The following MAGI1 variants were observed in gnomAD, a reference collection of about 807,000 sequenced individuals.
MAGI1 encodes membrane associated guanylate kinase, WW and PDZ domain containing 1.
A neutral mutation model predicts 139.9 loss-of-function variants in MAGI1; 58 were observed. The observed-to-expected ratio is 0.41, with a 90% CI of 0.34 to 0.52. The LOEUF is 0.52. Ranked by LOEUF, MAGI1 falls within the 20% of genes least tolerant of loss-of-function variation. The pLI is 0.12. For synonymous variants in MAGI1, 812 were observed against 737.9 expected, an observed-to-expected ratio of 1.10 and a Z score of -1.63; for missense variants, 1,874 against 1,901.6, an observed-to-expected ratio of 0.99 and a Z score of 0.27.
At chr3:65,401,821 AG>A in intron 12 of MAGI1, 3 of 1,295,336 alleles carry the variant, frequency 2.3e-6, no homozygotes, top group Non-Finnish European at 3.0e-6. Context: ...CTTACAATTA[AG>A]TCCAGGTTAT....
At chr3:65,482,741 T>C (rs1951368192) in intron 3 of MAGI1, among the ~76,000 whole-genome samples, 1 of 152,248 alleles carries the variant, frequency 6.6e-6, no homozygotes, top group African/African-American at 2.4e-5. Flanking sequence ...GTTCAAACTT[T>C]CATACGCCAC....
intron 2 of MAGI1, among the ~76,000 whole-genome samples, chr3:65,568,810 A>G (rs949690647): frequency 6.6e-6 from 1 of 152,242 alleles, no homozygotes. Context: ...TTAAATAGAA[A>G]GAGGTCTGTC....
At chr3:65,857,966 C>T (rs1166260201) in intron 1 of MAGI1, among the ~76,000 whole-genome samples, 1 of 152,046 alleles carries the variant, frequency 6.6e-6, no homozygotes, top group Non-Finnish European at 1.5e-5. Flanking sequence ...TCATTCTAGC[C>T]TGGTATGGTG....
At chr3:65,496,924 A>T (rs573940672) in intron 2 of MAGI1, among the ~76,000 whole-genome samples, 2 of 152,200 alleles carry the variant, frequency 1.3e-5, no homozygotes, top group Non-Finnish European at 2.9e-5. Context: ...TATGTAAGAA[A>T]GACAGAATAA....
At chr3:65,662,823 C>G (rs1240997733) in intron 1 of MAGI1, among the ~76,000 whole-genome samples, 38 of 152,142 alleles carry the variant, frequency 2.5e-4, no homozygotes, top group Non-Finnish European at 4.4e-5. Flanking sequence ...ATAACTACAA[C>G]TTTACACATT....
intron 2 of MAGI1, among the ~76,000 whole-genome samples, chr3:65,525,857 C>A (rs1322163695): frequency 6.6e-6 from 1 of 152,114 alleles, no homozygotes; most frequent in Non-Finnish European, 1.5e-5. Flanking sequence ...TTCCTGAATA[C>A]CCACTGTGTT....
In MAGI1 at chr3:65,965,195, G is replaced by A. The variant is rs545678612; in HGVS notation, c.313+72801C>T. Reference sequence around the variant, plus strand: ...GCCCAGAGTATCCATTGTCAATGGAGACCAGACATACAAACTCCGAGGATC... The same window carrying A: ...GCCCAGAGTATCCATTGTCAATGGAAACCAGACATACAAACTCCGAGGATC... On this transcript the variant is annotated intron_variant, in intron 1 of 22. Transcript: ENST00000402939. Among the ~76,000 whole-genome samples, 24 of 152,286 alleles carry A rather than the reference G, an allele frequency of 1.6e-4. No homozygotes were observed. The South Asian group carries it at 4.6e-3, about 29-fold the overall frequency.
chr3:65,957,365 A>AC (rs1478746778), intron 1 of MAGI1, among the ~76,000 whole-genome samples: 1 of 150,890 alleles, frequency 6.6e-6, no homozygotes, highest in African/African-American at 2.4e-5. Context: ...AAAAAAAAAA[A>AC]AAAAATTTAG....
At chr3:65,551,911 G>C (rs1164631134) in intron 2 of MAGI1, among the ~76,000 whole-genome samples, 3 of 152,174 alleles carry the variant, frequency 2.0e-5, no homozygotes, top group Non-Finnish European at 4.4e-5. Context: ...AAGCAAAGCT[G>C]GTACAATTTC....
chr3:65,419,000 T>C (rs1946436733), intron 12 of MAGI1, among the ~76,000 whole-genome samples: 1 of 152,212 alleles, frequency 6.6e-6, no homozygotes, highest in African/African-American at 2.4e-5. Context: ...CTTTCTTCTA[T>C]CTGCGCTGGC....
At chr3:65,486,197 A>G (rs1205500060) in intron 3 of MAGI1, among the ~76,000 whole-genome samples, 1 of 152,208 alleles carries the variant, frequency 6.6e-6, no homozygotes, top group Non-Finnish European at 1.5e-5. Flanking sequence ...AAACAATAAC[A>G]TTATTGAATG....
chr3:65,797,846 T>C (rs1461984847), intron 1 of MAGI1, among the ~76,000 whole-genome samples: 1 of 152,210 alleles, frequency 6.6e-6, no homozygotes, highest in Non-Finnish European at 1.5e-5. Context: ...GATTATTCAA[T>C]GTATGTTGGG....
intron 5 of MAGI1, among the ~76,000 whole-genome samples, chr3:65,456,392 C>T (rs199660359): frequency 1.3e-5 from 2 of 148,266 alleles, no homozygotes; most frequent in Non-Finnish European, 3.0e-5. Context: ...TTTTTTTTTT[C>T]ACTCCGGAGT....
intron 1 of MAGI1, among the ~76,000 whole-genome samples, chr3:65,733,065 G>T (rs2034348485): frequency 6.6e-6 from 1 of 151,760 alleles, no homozygotes; most frequent in African/African-American, 2.4e-5. Flanking sequence ...GTTTTTGTTT[G>T]TTTTTTTTGA....
intron 1 of MAGI1, among the ~76,000 whole-genome samples, chr3:65,742,182 A>G (rs1196765976): frequency 1.3e-5 from 2 of 152,330 alleles, no homozygotes; most frequent in East Asian, 1.9e-4. Context: ...CTGTTGTTGC[A>G]TATCAATAAC....
At chr3:65,993,306 A>C (rs2066276231) in intron 1 of MAGI1, among the ~76,000 whole-genome samples, 1 of 152,208 alleles carries the variant, frequency 6.6e-6, no homozygotes, top group Non-Finnish European at 1.5e-5. Context: ...ACTGAGGCTT[A>C]AAATGACACC....
At chr3:65,503,901 T>C in intron 2 of MAGI1, among the ~76,000 whole-genome samples, 1 of 152,168 alleles carries the variant, frequency 6.6e-6, no homozygotes, top group African/African-American at 2.4e-5. Context: ...ATTCAAACCG[T>C]CCATGTATCC....
Position 66,038,267 on chromosome 3 carries a change from C to G in MAGI1, c.42G>C (p.Arg14Ser). The change falls in exon 1 of 23, where the codon AGG becomes AGC. Residue 14 changes from arginine to serine, a missense_variant. By Grantham distance (110) the Arg-to-Ser change is moderately radical. Around this residue, in one of 5 missense-constraint regions of MAGI1, gnomAD observed 648 missense variants for 598.1 expected, o/e 1.08. Transcript: ENST00000402939. ...CCCGCTTCACGGTGCATTCGTGAACCCTGCTAGTCCAGTGGTTCTTCTTCT... is the reference window on the plus strand; with the variant it reads ...CCCGCTTCACGGTGCATTCGTGAACGCTGCTAGTCCAGTGGTTCTTCTTCT... Reference protein sequence around the residue: ...VIQKKNHWTSRVHECTVKRGP... With the variant: ...VIQKKNHWTSSVHECTVKRGP... 1 of 1,604,650 alleles carries G rather than the reference C, an allele frequency of 6.2e-7. No individual in the cohort carries two copies. The highest frequency in any genetic ancestry group is 8.5e-7 in the Non-Finnish European group (1 of 1,175,104).
chr3:65,989,324 A>G (rs2066042348), intron 1 of MAGI1, among the ~76,000 whole-genome samples: 1 of 152,214 alleles, frequency 6.6e-6, no homozygotes, highest in Non-Finnish European at 1.5e-5. Context: ...GACTTGTCCA[A>G]TGAACTTTTT....
Sources: allele counts gnomAD v4.1 joint callset (sites outside exome capture counted in the v4.1 genomes callset), GRCh38; gene constraint gnomAD v4.1.1; regional missense constraint gnomAD v4.1.1; transcripts MANE v1.5; gene names NCBI Gene and HGNC (gene_info 2026-07-23, HGNC 2026-07-21).